Variants in CNTNAP2 observed in about 807,000 individuals in gnomAD.
The protein encoded by CNTNAP2 is contactin associated protein 2, also known as contactin-associated protein-like 2.
In CNTNAP2, 98 loss-of-function variants were observed where a neutral mutation model predicts 155.2. The ratio of observed to expected loss-of-function variants is 0.63; its 90% CI spans 0.54 to 0.75. CNTNAP2 has a LOEUF of 0.75. Ranked by LOEUF, CNTNAP2 falls within the 30% of genes least tolerant of loss-of-function variation. CNTNAP2 has a pLI of 0.00. For missense variants in CNTNAP2, 1,727 were observed against 1,688.1 expected, an observed-to-expected ratio of 1.02 and a Z score of -0.40; for synonymous variants, 651 against 631.2, an observed-to-expected ratio of 1.03 and a Z score of -0.47.
chr7:146,730,007 T>C (rs1328758289), intron 1 of CNTNAP2, among the ~76,000 whole-genome samples: 5 of 152,212 alleles, frequency 3.3e-5, no homozygotes, highest in Non-Finnish European at 7.3e-5. Context: ...GCTCTGCTCC[T>C]GCTTCATACA....
At chr7:146,672,681 G>T (rs990053) in intron 1 of CNTNAP2, among the ~76,000 whole-genome samples, 7,489 of 152,162 alleles carry the variant, frequency 0.049, 668 homozygotes, top group African/African-American at 0.17. Context: ...AGAGTAAAAA[G>T]CCATAGTTTT....
intron 21 of CNTNAP2, among the ~76,000 whole-genome samples, chr7:148,322,575 T>C (rs1797812579): frequency 6.6e-6 from 1 of 151,868 alleles, no homozygotes; most frequent in African/African-American, 2.4e-5. Context: ...TGGGCACGTC[T>C]AGGATCAAAA....
intron 1 of CNTNAP2, among the ~76,000 whole-genome samples, chr7:146,194,811 C>A (rs561509529): frequency 6.6e-6 from 1 of 152,284 alleles, no homozygotes; most frequent in African/African-American, 2.4e-5. Context: ...GCTGTCTTTT[C>A]TGAGACAATG....
intron 1 of CNTNAP2, among the ~76,000 whole-genome samples, chr7:146,502,233 A>ATATATATATATATGAATATATATGTG (rs1563109637): frequency 2.6e-3 from 139 of 54,478 alleles, no homozygotes; most frequent in African/African-American, 0.012. Flanking sequence ...GAATATATAT[A>ATATATATATATATGAATATATATGTG]TATATATATA....
chr7:146,234,036 G>A (rs1431924413), intron 1 of CNTNAP2, among the ~76,000 whole-genome samples: 4 of 148,990 alleles, frequency 2.7e-5, no homozygotes, highest in Admixed American at 6.8e-5. Flanking sequence ...CTGAGGAATC[G>A]CCACACTGAC....
At chr7:146,892,171 C>G (rs1795791649) in intron 3 of CNTNAP2, among the ~76,000 whole-genome samples, 1 of 152,174 alleles carries the variant, frequency 6.6e-6, no homozygotes, top group Non-Finnish European at 1.5e-5. Flanking sequence ...ACGGCCCACT[C>G]AATGGCTGGC....
intron 13 of CNTNAP2, among the ~76,000 whole-genome samples, chr7:147,737,806 G>A (rs1321054622): frequency 1.3e-5 from 2 of 152,196 alleles, no homozygotes; most frequent in Admixed American, 1.3e-4. Context: ...GTGGGCATAG[G>A]ACCCTCTGAG....
intron 9 of CNTNAP2, among the ~76,000 whole-genome samples, chr7:147,342,107 T>A (rs914277853): frequency 6.6e-6 from 1 of 152,100 alleles, no homozygotes; most frequent in African/African-American, 2.4e-5. Flanking sequence ...CTTGCTGGCA[T>A]CTCTTCTACT....
At chr7:148,062,026 AGAGTGTGTGT>A (rs1329652363) in intron 15 of CNTNAP2, among the ~76,000 whole-genome samples, 17 of 132,054 alleles carry the variant, frequency 1.3e-4, no homozygotes, top group African/African-American at 4.7e-4. Context: ...AGAGAGAGAG[AGAGTGTGTGT>A]GTGTGTGTGT....
At chr7:148,315,800 T>C (rs1476558333) in intron 21 of CNTNAP2, among the ~76,000 whole-genome samples, 1 of 152,246 alleles carries the variant, frequency 6.6e-6, no homozygotes, top group Non-Finnish European at 1.5e-5. Context: ...TTGGGTTTTA[T>C]AAGTCCTGCT....
chr7:147,916,035 C>G (rs1800154989), intron 14 of CNTNAP2, among the ~76,000 whole-genome samples: 1 of 152,154 alleles, frequency 6.6e-6, no homozygotes, highest in Admixed American at 6.5e-5. Flanking sequence ...GAGCCTCAGG[C>G]AAGGGCTTCT....
intron 13 of CNTNAP2, among the ~76,000 whole-genome samples, chr7:147,728,521 A>G (rs1397993979): frequency 1.3e-5 from 2 of 152,088 alleles, no homozygotes; most frequent in South Asian, 2.1e-4. Context: ...AAATGATGCC[A>G]TAACACACCT....
intron 22 of CNTNAP2, among the ~76,000 whole-genome samples, 196 bp downstream of exon 22, chr7:148,384,084 A>ATAAG (rs1799135588): frequency 6.6e-6 from 1 of 152,204 alleles, no homozygotes; most frequent in Non-Finnish European, 1.5e-5. Flanking sequence ...CCAGAAATAA[A>ATAAG]TAAGTTGAAG....
intron 10 of CNTNAP2, among the ~76,000 whole-genome samples, chr7:147,465,764 T>C (rs991907125): frequency 6.6e-6 from 1 of 152,212 alleles, no homozygotes. Context: ...CCCAAAGTCA[T>C]GGGAGACTTA....
rs1804177532 is a variant in CNTNAP2 at position 148,104,977 on chromosome 7, AC to A, written c.2384-13140del. 2.6e-5 allele frequency among the ~76,000 whole-genome samples: 4 copies of A among 152,330 alleles called. No individual in the cohort carries two copies. The South Asian group carries it at 8.3e-4, about 32-fold the overall frequency. Reference sequence around the variant, plus strand: ...CCATGGTTCAAATTTATTAAAAAAAACACACTATTTTCATTTATTCAAGAAA... The same window carrying A: ...CCATGGTTCAAATTTATTAAAAAAAAACACTATTTTCATTTATTCAAGAAA... On this transcript the variant is annotated intron_variant, in intron 15 of 23. Coordinates refer to ENST00000361727, the MANE Select transcript of CNTNAP2 (RefSeq NM_014141.6).
chr7:146,331,319 A>G (rs866970590), intron 1 of CNTNAP2, among the ~76,000 whole-genome samples: 1 of 104,102 alleles, frequency 9.6e-6, no homozygotes, highest in African/African-American at 7.7e-5. Context: ...AAAAAAAAAT[A>G]AAAATAACCA....
chr7:146,387,409 C>G (rs1795476688), intron 1 of CNTNAP2, among the ~76,000 whole-genome samples: 1 of 152,134 alleles, frequency 6.6e-6, no homozygotes, highest in South Asian at 2.1e-4. Context: ...CTAGAGGTGT[C>G]TCAGTTTATG....
intron 10 of CNTNAP2, among the ~76,000 whole-genome samples, chr7:147,408,744 C>T (rs976153876): frequency 4.6e-5 from 7 of 151,966 alleles, no homozygotes; most frequent in East Asian, 3.9e-4. Flanking sequence ...GGCGACAGAG[C>T]GAGACTCCAT....
intron 1 of CNTNAP2, among the ~76,000 whole-genome samples, chr7:146,718,865 C>T (rs1203954314): frequency 3.3e-5 from 5 of 152,084 alleles, no homozygotes; most frequent in South Asian, 2.1e-4. Context: ...GGCTCCTCTT[C>T]GTGTTCCTAA....
Sources: gnomAD v4.1 joint callset for allele counts (sites outside exome capture counted in the v4.1 genomes callset) on GRCh38, gnomAD v4.1.1 for gene constraint, MANE v1.5 for transcripts, NCBI Gene and HGNC (gene_info 2026-07-23, HGNC 2026-07-21) for gene names.